LRRC37A2: variants seen among roughly 807,000 people sequenced by gnomAD.
LRRC37A2 encodes the protein leucine-rich repeat-containing protein 37A2.
LRRC37A2 carries 9 observed loss-of-function variants against 68.8 expected under a neutral mutation model. The observed-to-expected ratio is 0.13, with a 90% CI of 0.08 to 0.23. LRRC37A2 has a LOEUF of 0.23. Among genes scored for constraint, LRRC37A2 ranks in the 10% least tolerant of loss-of-function variants. LRRC37A2 has a pLI of 1.00. For synonymous variants in LRRC37A2, 63 were observed against 367.6 expected (o/e 0.17, Z 9.48); for missense variants, 168 against 950.4 (o/e 0.18, Z 10.82).
the LRRC37A2 span, chr17:46,830,548 A>T: frequency 2.5e-6 from 1 of 397,560 alleles, no homozygotes; most frequent in Non-Finnish European, 4.4e-6. Flanking sequence ...ACCTGGCCAG[A>T]AATCATATTT....
chr17:46,773,531 C>T, the LRRC37A2 span: 9 of 1,020,428 alleles, frequency 8.8e-6, no homozygotes, highest in Non-Finnish European at 1.3e-5. Flanking sequence ...GTGTGGCAGT[C>T]ATGCAACCAA....
At chr17:46,853,992 G>T in the LRRC37A2 span, among the ~76,000 whole-genome samples, 1 of 150,712 alleles carries the variant, frequency 6.6e-6, no homozygotes, top group African/African-American at 2.4e-5. Context: ...GGTCAAATAG[G>T]CCTGGGTTAG....
chr17:46,745,274 C>A, the LRRC37A2 span, among the ~76,000 whole-genome samples: 1 of 152,166 alleles, frequency 6.6e-6, no homozygotes, highest in Non-Finnish European at 1.5e-5. Context: ...CTTATGAGCA[C>A]TACCACTAAT....
the LRRC37A2 span, among the ~76,000 whole-genome samples, chr17:46,789,254 C>G: frequency 6.6e-6 from 1 of 152,216 alleles, no homozygotes; most frequent in Non-Finnish European, 1.5e-5. Context: ...AGGGCTGGCA[C>G]CTACCTGGAC....
chr17:47,043,582 G>A, the LRRC37A2 span, among the ~76,000 whole-genome samples: 2 of 151,412 alleles, frequency 1.3e-5, no homozygotes, highest in Admixed American at 6.6e-5. Flanking sequence ...TACATGCAAT[G>A]TAAGAAAGGC....
chr17:46,831,438 G>A, the LRRC37A2 span: 2 of 152,472 alleles, frequency 1.3e-5, no homozygotes, highest in Admixed American at 1.3e-4. Flanking sequence ...CCTGTGACTC[G>A]GATACTCACG....
the LRRC37A2 span, among the ~76,000 whole-genome samples, chr17:46,905,369 T>C: frequency 2.0e-5 from 3 of 152,160 alleles, no homozygotes; most frequent in Admixed American, 6.5e-5. Flanking sequence ...AGCCACCGTA[T>C]CCAGCTGGGA....
At chr17:46,852,648 ACCTTCCCACCAT>A in the LRRC37A2 span, among the ~76,000 whole-genome samples, 1 of 151,588 alleles carries the variant, frequency 6.6e-6, no homozygotes, top group African/African-American at 2.4e-5. Flanking sequence ...GTAAGAAGGC[ACCTTCCCACCAT>A]CCACCCAAAG....
At chr17:46,901,211 A>G in the LRRC37A2 span, among the ~76,000 whole-genome samples, 2 of 151,852 alleles carry the variant, frequency 1.3e-5, no homozygotes, top group East Asian at 3.9e-4. Context: ...GCCCAGGCTG[A>G]AGTGCAGTGG....
At chr17:46,882,331 C>G in the LRRC37A2 span, among the ~76,000 whole-genome samples, 3 of 152,170 alleles carry the variant, frequency 2.0e-5, no homozygotes, top group Non-Finnish European at 4.4e-5. Flanking sequence ...CTGCATGTCT[C>G]GTGGAATACC....
chr17:46,708,000 G>A, the LRRC37A2 span, among the ~76,000 whole-genome samples: 4 of 147,308 alleles, frequency 2.7e-5, no homozygotes, highest in Admixed American at 1.4e-4. Flanking sequence ...GCCACTGCAC[G>A]CCAGCCTGGT....
chr17:46,906,527 A>T, the LRRC37A2 span, among the ~76,000 whole-genome samples: 8 of 152,230 alleles, frequency 5.3e-5, no homozygotes, highest in African/African-American at 1.9e-4. Context: ...TCAAGCCATC[A>T]TCCTCATGCC....
At chr17:46,888,813 C>T in the LRRC37A2 span, among the ~76,000 whole-genome samples, 1 of 152,168 alleles carries the variant, frequency 6.6e-6, no homozygotes, top group East Asian at 1.9e-4. Context: ...CACCAATGCA[C>T]CTGGTGCTGT....
At chr17:46,989,571 C>T in the LRRC37A2 span, among the ~76,000 whole-genome samples, 2 of 152,234 alleles carry the variant, frequency 1.3e-5, no homozygotes, top group Non-Finnish European at 2.9e-5. Context: ...ATGTGACCCA[C>T]GACAGGCTGG....
the LRRC37A2 span, among the ~76,000 whole-genome samples, chr17:47,012,965 A>G: frequency 1.3e-5 from 2 of 152,256 alleles, no homozygotes; most frequent in Non-Finnish European, 2.9e-5. Flanking sequence ...CCAGATGTCC[A>G]TCAACTGATG....
At chr17:47,027,732 G>A in the LRRC37A2 span, 1 of 608,520 alleles carries the variant, frequency 1.6e-6, no homozygotes, top group East Asian at 3.0e-5. Context: ...CCAGTAGAAA[G>A]CTACTAAAAT....
the LRRC37A2 span, chr17:46,714,091 A>G: frequency 1.4e-5 from 18 of 1,243,846 alleles, no homozygotes; most frequent in Non-Finnish European, 1.8e-5. Flanking sequence ...CATAGCAACT[A>G]TGTTCTTCTC....
chr17:46,783,719 G>C, the LRRC37A2 span, among the ~76,000 whole-genome samples: 1 of 152,224 alleles, frequency 6.6e-6, no homozygotes, highest in Non-Finnish European at 1.5e-5. Context: ...CAGCTACCGA[G>C]CTGGAGAAGG....
the LRRC37A2 span, among the ~76,000 whole-genome samples, chr17:46,872,963 G>A: frequency 6.6e-6 from 1 of 152,080 alleles, no homozygotes; most frequent in Non-Finnish European, 1.5e-5. Context: ...GCCAGCTGTG[G>A]CCCAGCCTCA....
Sources: allele counts gnomAD v4.1 joint callset (sites outside exome capture counted in the v4.1 genomes callset), GRCh38; gene constraint gnomAD v4.1.1; transcripts MANE v1.5; gene names NCBI Gene and HGNC (gene_info 2026-07-23, HGNC 2026-07-21).